MGST2: variants seen among roughly 807,000 people sequenced by gnomAD.
The protein encoded by MGST2 is glutathione peroxidase MGST2.
A neutral mutation model predicts 16.6 loss-of-function variants in MGST2; 9 were observed. That is an observed-to-expected ratio of 0.54 (90% confidence interval 0.33 to 0.95). MGST2 has a LOEUF of 0.95. MGST2 is among the 40% of genes least tolerant of loss of function. MGST2 has a pLI of 0.03. For synonymous variants in MGST2, 79 were observed against 68.0 expected, an observed-to-expected ratio of 1.16 and a Z score of -0.79; for missense variants, 159 against 175.1, an observed-to-expected ratio of 0.91 and a Z score of 0.52.
rs546547298 is a variant in MGST2, at chr4:139,685,724, C to T, written c.158+7082C>T. ...TGTCGCCCATACTGGAGTGCAATGG[C>T]GCAATCTTGGCTCACTGCAACCTCC... On this transcript the variant is annotated intron_variant, in intron 2 of 4. Coordinates refer to ENST00000265498, the MANE Select transcript of MGST2 (RefSeq NM_002413.5). 4.6e-5 allele frequency among the ~76,000 whole-genome samples: 7 copies of T among 152,292 alleles called. No homozygotes were observed. In the South Asian group the frequency reaches 6.2e-4, roughly 14 times the overall value.
intron 5 of MGST2, among the ~76,000 whole-genome samples, chr4:139,737,594 A>T (rs1217333170): frequency 6.6e-6 from 1 of 152,170 alleles, no homozygotes; most frequent in African/African-American, 2.4e-5. Flanking sequence ...CAAAATTGGG[A>T]TGCCTCTGTG....
At chr4:139,736,323 G>A (rs1301528213) in intron 5 of MGST2, among the ~76,000 whole-genome samples, 3 of 152,234 alleles carry the variant, frequency 2.0e-5, no homozygotes, top group Non-Finnish European at 4.4e-5. Flanking sequence ...GAAGGCGAAA[G>A]TATGTATCAG....
chr4:139,739,726 A>AG (rs1729092453), intron 5 of MGST2, among the ~76,000 whole-genome samples: 1 of 149,960 alleles, frequency 6.7e-6, no homozygotes, highest in South Asian at 2.1e-4. Context: ...AAACTAAAAA[A>AG]AAAAAAAGAA....
rs534964242 is a variant in MGST2 at position 139,696,530 on chromosome 4, G to A, written c.229+1263G>A. On this transcript the variant is annotated intron_variant, in intron 3 of 4. Coordinates refer to ENST00000265498, the MANE Select transcript of MGST2 (RefSeq NM_002413.5). ...GGTTCAGAGCACTCGTCTCTACCAA[G>A]TCATCTTCTGTTAATTCATCTGGCG... Among the ~76,000 whole-genome samples the A allele has an allele frequency of 2.2e-3, 332 of 152,268 alleles. 1 individual carries two copies. The highest frequency in any genetic ancestry group is 0.017 in the Middle Eastern group (5 of 294).
chr4:139,710,435 C>A (rs1727692039), intron 5 of MGST2, among the ~76,000 whole-genome samples: 1 of 152,080 alleles, frequency 6.6e-6, no homozygotes, highest in African/African-American at 2.4e-5. Context: ...CATCCAGTGC[C>A]AAACGAGTAT....
chr4:139,682,222 T>C (rs1310506555), intron 2 of MGST2, among the ~76,000 whole-genome samples: 1 of 142,582 alleles, frequency 7.0e-6, no homozygotes, highest in Non-Finnish European at 1.5e-5. Context: ...TCATATATTA[T>C]GTTAGAAGGT....
chr4:139,682,483 A>C (rs1197285805), intron 2 of MGST2, among the ~76,000 whole-genome samples: 12 of 152,100 alleles, frequency 7.9e-5, no homozygotes, highest in Admixed American at 7.9e-4. Flanking sequence ...GGCTGCAGGG[A>C]GCCTGGCAGG....
chr4:139,730,768 G>A, intron 5 of MGST2: 1 of 1,102,332 alleles, frequency 9.1e-7, no homozygotes, highest in Middle Eastern at 3.0e-4. Flanking sequence ...AGAAGTCCCA[G>A]CTTATGGACT....
At chr4:139,747,959 C>T in the MGST2 span, among the ~76,000 whole-genome samples, 1 of 146,672 alleles carries the variant, frequency 6.8e-6, no homozygotes, top group African/African-American at 2.5e-5. Context: ...GAGGCTGAGG[C>T]AGGAGAATTG....
chr4:139,747,620 G>A, the MGST2 span, among the ~76,000 whole-genome samples: 1 of 151,982 alleles, frequency 6.6e-6, no homozygotes, highest in African/African-American at 2.4e-5. Context: ...CCTGAACCGG[G>A]AGGGTGGAGG....
At chr4:139,679,245 C>T (rs1560739483) in intron 2 of MGST2, 1 of 153,964 alleles carries the variant, frequency 6.5e-6, no homozygotes, top group African/African-American at 2.4e-5. Context: ...TATTTCATCC[C>T]CCAAAATACG....
At chr4:139,695,087 G>T in intron 2 of MGST2, 110 bp from the exon 3 acceptor site, 1 of 756,084 alleles carries the variant, frequency 1.3e-6, no homozygotes, top group Non-Finnish European at 2.3e-6. Context: ...TCTTTTGTAA[G>T]TTCTTATATT....
downstream of MGST2, among the ~76,000 whole-genome samples, chr4:139,745,503 A>C (rs1467843823): frequency 6.6e-6 from 1 of 152,140 alleles, no homozygotes; most frequent in African/African-American, 2.4e-5. Context: ...TGGGAACTGA[A>C]AAAAGCCAAA....
intron 5 of MGST2, chr4:139,719,388 T>G: frequency 6.2e-7 from 1 of 1,613,318 alleles, no homozygotes. Flanking sequence ...CCTTTGATGA[T>G]GGAGTCCACA....
In MGST2 at chr4:139,735,089, G is replaced by A. The variant is rs903649204; in HGVS notation, c.*49-5123G>A. On this transcript the variant is annotated intron_variant, in intron 5 of 5. Transcript: ENST00000616265. This position sits in a 1 kb window ranked among gnomAD's most constrained non-coding sequence, Gnocchi z 5.8. Reference sequence around the variant, plus strand: ...CGCCCCTCCGCGGCCCCCGCCCCGCGCGTCTGGGCGAGCGCTGCGAACGTG... The same window carrying A: ...CGCCCCTCCGCGGCCCCCGCCCCGCACGTCTGGGCGAGCGCTGCGAACGTG... Among the ~76,000 whole-genome samples, 4 of 152,176 alleles carry A rather than the reference G, an allele frequency of 2.6e-5. No individual in the cohort carries two copies. The highest frequency in any genetic ancestry group is 5.9e-5 in the Non-Finnish European group (4 of 68,026).
At chr4:139,716,660 A>G (rs150719266) in intron 5 of MGST2, 21 of 152,770 alleles carry the variant, frequency 1.4e-4, no homozygotes, top group African/African-American at 3.8e-4. Context: ...ATTTTGAGAA[A>G]AGAACTGCAG....
chr4:139,699,456 T>C (rs1727118466), intron 3 of MGST2, among the ~76,000 whole-genome samples: 2 of 152,246 alleles, frequency 1.3e-5, no homozygotes, highest in Non-Finnish European at 2.9e-5. Context: ...AATAGACCAG[T>C]ATCTACATCT....
At chr4:139,713,395 C>T (rs1010658959) in intron 5 of MGST2, among the ~76,000 whole-genome samples, 3 of 146,850 alleles carry the variant, frequency 2.0e-5, no homozygotes, top group African/African-American at 5.1e-5. Flanking sequence ...TGTGACACCT[C>T]CTTTGTTTTT....
At chr4:139,698,581 C>G (rs1160316829) in intron 3 of MGST2, 12 of 796,984 alleles carry the variant, frequency 1.5e-5, no homozygotes, top group African/African-American at 6.9e-5. Context: ...TACTTACCCC[C>G]CTTCTCCTTC....
Sources: allele counts gnomAD v4.1 joint callset (sites outside exome capture counted in the v4.1 genomes callset), GRCh38; gene constraint gnomAD v4.1.1; non-coding constraint Gnocchi (gnomAD v3.1); transcripts MANE v1.5; gene names NCBI Gene and HGNC (gene_info 2026-07-23, HGNC 2026-07-21).